RFTN1: variants seen among roughly 807,000 people sequenced by gnomAD.
The protein encoded by RFTN1 is raftlin, lipid raft linker 1, also known as raftlin.
RFTN1 carries 26 observed loss-of-function variants against 46.5 expected under a neutral mutation model. The observed-to-expected ratio is 0.56, with a 90% CI of 0.41 to 0.78. The LOEUF (loss-of-function observed/expected upper bound fraction) is 0.78. RFTN1 is among the 30% of genes least tolerant of loss of function. The pLI, the probability that RFTN1 is intolerant of heterozygous loss-of-function variation, is 0.00. For missense variants in RFTN1, 693 were observed against 718.7 expected (o/e 0.96, Z 0.41); for synonymous variants, 261 against 284.2 (o/e 0.92, Z 0.82).
intron 4 of RFTN1, among the ~76,000 whole-genome samples, chr3:16,408,917 T>C (rs899167980): frequency 2.0e-5 from 3 of 152,196 alleles, no homozygotes; most frequent in Non-Finnish European, 4.4e-5. Context: ...TCATATGGCA[T>C]GAAGAAATAT....
Position 16,410,519 on chromosome 3 carries a change from A to G in RFTN1, c.333-1036T>C, listed in dbSNP as rs777666728. ...TCCTATATCACTTAGAAAATTAAAA[A>G]TTAATTTTTAAAAGACTTTAAAAGG... On this transcript the variant is annotated intron_variant, in intron 3 of 9. Coordinates refer to ENST00000334133, the MANE Select transcript of RFTN1 (RefSeq NM_015150.2). The surrounding 1 kb of genome is among the most constrained non-coding windows in gnomAD (Gnocchi z 4.6). Among the ~76,000 whole-genome samples, 5 of 152,238 alleles carry G rather than the reference A, an allele frequency of 3.3e-5. No individual in the cohort carries two copies. The highest frequency in any genetic ancestry group is 7.2e-5 in the African/African-American group (3 of 41,454).
At position 16,322,705 on chromosome 3, in the gene RFTN1, T is replaced by C. The variant is rs928336926; in HGVS notation, c.1332+671A>G. ...ACACTTGCACCTCGTACAGCCCTTGTGCTCAACCTTCAGGAATCACAGAGA... is the reference window on the plus strand; with the variant it reads ...ACACTTGCACCTCGTACAGCCCTTGCGCTCAACCTTCAGGAATCACAGAGA... On this transcript the variant is annotated intron_variant, in intron 9 of 9. Transcript: ENST00000334133. This position sits in a 1 kb window ranked among gnomAD's most constrained non-coding sequence, Gnocchi z 6.2. Among the ~76,000 whole-genome samples the C allele has an allele frequency of 6.6e-6, 1 of 152,184 alleles. No individual in the cohort carries two copies. Among genetic ancestry groups the C allele is most frequent in the Non-Finnish European group, 1.5e-5 (1 of 68,020 alleles).
In RFTN1 at chr3:16,400,542, C is replaced by T. The variant is rs2074575021; in HGVS notation, c.441+8833G>A. Among the ~76,000 whole-genome samples the T allele has an allele frequency of 6.6e-6, 1 of 152,222 alleles. No individual in the cohort carries two copies. Among genetic ancestry groups the T allele is most frequent in the Non-Finnish European group, 1.5e-5 (1 of 68,050 alleles). ...CTAGACCGGCTTACTAAAGTATTCCCAAACACTACCAGCAAAGATCTGTTC... is the reference window on the plus strand; with the variant it reads ...CTAGACCGGCTTACTAAAGTATTCCTAAACACTACCAGCAAAGATCTGTTC... On this transcript the variant is annotated intron_variant, in intron 4 of 9. Coordinates refer to ENST00000334133, the MANE Select transcript of RFTN1 (RefSeq NM_015150.2). The surrounding 1 kb of genome is among the most constrained non-coding windows in gnomAD (Gnocchi z 4.5).
At position 16,329,979 on chromosome 3, in the gene RFTN1, C is replaced by T. The variant is rs188569736; in HGVS notation, c.1147-3103G>A. Reference sequence around the variant, plus strand: ...CCGCCTGCTTAGACAGACTGCAAACCGGCTGCTTCTATTTTGCTCCGTTTT... The same window carrying T: ...CCGCCTGCTTAGACAGACTGCAAACTGGCTGCTTCTATTTTGCTCCGTTTT... On this transcript the variant is annotated intron_variant, in intron 7 of 9. Transcript: ENST00000334133. The surrounding 1 kb of genome is among the most constrained non-coding windows in gnomAD (Gnocchi z 4.5). 5.9e-5 allele frequency among the ~76,000 whole-genome samples: 9 copies of T among 152,278 alleles called. No individual in the cohort carries two copies. Among genetic ancestry groups the T allele is most frequent in the Admixed American group, 2.6e-4 (4 of 15,288 alleles).
rs552713777 is a variant in RFTN1 at position 16,381,943 on chromosome 3, G to A, written c.442-3841C>T. Among the ~76,000 whole-genome samples, 40 of 152,200 alleles carry A rather than the reference G, an allele frequency of 2.6e-4. No individual in the cohort carries two copies. The highest frequency in any genetic ancestry group is 8.5e-4 in the Admixed American group (13 of 15,288). On this transcript the variant is annotated intron_variant, in intron 4 of 9. Transcript: ENST00000334133. The surrounding 1 kb of genome is among the most constrained non-coding windows in gnomAD (Gnocchi z 4.2). ...GAGCAGAGGAGAGTGGGAGTCTGAGGGAAAACTGCAAGATTTCTTCGAATG... is the reference window on the plus strand; with the variant it reads ...GAGCAGAGGAGAGTGGGAGTCTGAGAGAAAACTGCAAGATTTCTTCGAATG...
At position 16,374,232 on chromosome 3, in the gene RFTN1, C is replaced by G. The variant is rs966398675; in HGVS notation, c.826+3486G>C. Among the ~76,000 whole-genome samples, 4 of 152,216 alleles carry G rather than the reference C, an allele frequency of 2.6e-5. No individual in the cohort carries two copies. The highest frequency in any genetic ancestry group is 9.6e-5 in the African/African-American group (4 of 41,454). ...AATCACAAGCCAGTAAGTGGCACAG[C>G]CAAGAGTCTTTCAAACCCCAAACCC... On this transcript the variant is annotated intron_variant, in intron 5 of 9. Transcript: ENST00000334133. The surrounding 1 kb of genome is among the most constrained non-coding windows in gnomAD (Gnocchi z 5.4).
At position 16,429,644 on chromosome 3, in the gene RFTN1, C is replaced by A. The variant is rs1213609057; in HGVS notation, c.332+4207G>T. 6.6e-6 allele frequency among the ~76,000 whole-genome samples: 1 copy of A among 152,160 alleles called. No individual in the cohort carries two copies. The highest frequency in any genetic ancestry group is 1.5e-5 in the Non-Finnish European group (1 of 68,022). ...ACTTCCCACCACATAGAGCTCCTAGCACAATACTCTGAAAAGAGTACTCAC... is the reference window on the plus strand; with the variant it reads ...ACTTCCCACCACATAGAGCTCCTAGAACAATACTCTGAAAAGAGTACTCAC... On this transcript the variant is annotated intron_variant, in intron 3 of 9. Coordinates refer to ENST00000334133, the MANE Select transcript of RFTN1 (RefSeq NM_015150.2). This position sits in a 1 kb window ranked among gnomAD's most constrained non-coding sequence, Gnocchi z 6.4.
chr3:16,457,502 G>A lies in RFTN1; in HGVS notation c.146-23465C>T, dbSNP rs1264608500. Among the ~76,000 whole-genome samples the A allele has an allele frequency of 6.6e-6, 1 of 152,108 alleles. No individual in the cohort carries two copies. The highest frequency in any genetic ancestry group is 6.5e-5 in the Admixed American group (1 of 15,272). The stretch of plus-strand genomic sequence containing the variant: ...TATACCTTCTTTTACGATATACAAG[G>A]CATCCCAAAAGTCTCAATACAGTTT... On this transcript the variant is annotated intron_variant, in intron 2 of 9. Transcript: ENST00000334133. The surrounding 1 kb of genome is among the most constrained non-coding windows in gnomAD (Gnocchi z 4.2).
rs564883769 is a variant in RFTN1, at chr3:16,479,351, A to G, written c.145+14374T>C. Among the ~76,000 whole-genome samples the G allele has an allele frequency of 1.6e-4, 25 of 152,360 alleles. No homozygotes were observed. The highest frequency in any genetic ancestry group is 1.4e-3 in the Admixed American group (21 of 15,314). On this transcript the variant is annotated intron_variant, in intron 2 of 9. Transcript: ENST00000334133. The surrounding 1 kb of genome is among the most constrained non-coding windows in gnomAD (Gnocchi z 5.1). The stretch of plus-strand genomic sequence containing the variant: ...GCTAATTCATTAAATGAAGTCCACA[A>G]TAAGAAACTACTTATAGACATGAGA...
chr3:16,389,387 A>T (rs2074293205), intron 4 of RFTN1, among the ~76,000 whole-genome samples: 1 of 152,218 alleles, frequency 6.6e-6, no homozygotes, highest in South Asian at 2.1e-4. Context: ...AATACCCTGG[A>T]GAACACTGGG....
At chr3:16,485,096 C>T (rs556429019) in intron 2 of RFTN1, among the ~76,000 whole-genome samples, 1 of 152,208 alleles carries the variant, frequency 6.6e-6, no homozygotes, top group East Asian at 1.9e-4. Context: ...AGCATAAACC[C>T]AACAATTCCA....
At chr3:16,436,207 GC>G (rs1278865981) in intron 2 of RFTN1, among the ~76,000 whole-genome samples, 2 of 151,470 alleles carry the variant, frequency 1.3e-5, no homozygotes, top group Admixed American at 6.6e-5. Flanking sequence ...CATTATCTTT[GC>G]CTCGTGTCCT....
chr3:16,446,112 C>T lies in RFTN1; in HGVS notation c.146-12075G>A, dbSNP rs933674873. On this transcript the variant is annotated intron_variant, in intron 2 of 9. Coordinates refer to ENST00000334133, the MANE Select transcript of RFTN1 (RefSeq NM_015150.2). This position sits in a 1 kb window ranked among gnomAD's most constrained non-coding sequence, Gnocchi z 4.5. ...ATCAGGACTGCAGTAGCACTCTCTCCGTCAAAGAAAGTCCAATGCAAACTG... is the reference window on the plus strand; with the variant it reads ...ATCAGGACTGCAGTAGCACTCTCTCTGTCAAAGAAAGTCCAATGCAAACTG... 2.6e-5 allele frequency among the ~76,000 whole-genome samples: 4 copies of T among 152,012 alleles called. No homozygotes were observed. The highest frequency in any genetic ancestry group is 6.6e-5 in the Admixed American group (1 of 15,260).
rs918370264 is a variant in RFTN1 at position 16,481,611 on chromosome 3, C to G, written c.145+12114G>C. 2.6e-5 allele frequency among the ~76,000 whole-genome samples: 4 copies of G among 152,010 alleles called. No individual in the cohort carries two copies. Among genetic ancestry groups the G allele is most frequent in the African/African-American group, 9.7e-5 (4 of 41,380 alleles). ...CATCCAACAATTGCTTTTGCCTAAA[C>G]TGAAATTAAATAAATAGACACACAC... On this transcript the variant is annotated intron_variant, in intron 2 of 9. Coordinates refer to ENST00000334133, the MANE Select transcript of RFTN1 (RefSeq NM_015150.2). The surrounding 1 kb of genome is among the most constrained non-coding windows in gnomAD (Gnocchi z 5.1).
Position 16,509,006 on chromosome 3 carries a change from T to C in RFTN1, c.-9+4436A>G, listed in dbSNP as rs2076855829. 6.6e-6 allele frequency among the ~76,000 whole-genome samples: 1 copy of C among 152,270 alleles called. No homozygotes were observed. The highest frequency in any genetic ancestry group is 2.1e-4 in the South Asian group (1 of 4,836). ...TTAAATTTTCTTTTCTTTTAATTCA[T>C]TACATTTAAATGTAAATAGCCACAT... On this transcript the variant is annotated intron_variant, in intron 1 of 9. Transcript: ENST00000334133. The surrounding 1 kb of genome is among the most constrained non-coding windows in gnomAD (Gnocchi z 4.9).
rs1258130391 is a variant in RFTN1, at chr3:16,329,243, C to G, written c.1147-2367G>C. ...CCCTCGACCTTGGACTTCCCAGCCT[C>G]CAGGACCAGGAGCCAAGAACTGTCT... On this transcript the variant is annotated intron_variant, in intron 7 of 9. Coordinates refer to ENST00000334133, the MANE Select transcript of RFTN1 (RefSeq NM_015150.2). This position sits in a 1 kb window ranked among gnomAD's most constrained non-coding sequence, Gnocchi z 4.5. 6.6e-6 allele frequency among the ~76,000 whole-genome samples: 1 copy of G among 152,190 alleles called. No individual in the cohort carries two copies. Among genetic ancestry groups the G allele is most frequent in the Non-Finnish European group, 1.5e-5 (1 of 68,038 alleles).
rs575222310 is a variant in RFTN1, at chr3:16,329,246, G to T, written c.1147-2370C>A. Among the ~76,000 whole-genome samples the T allele has an allele frequency of 6.6e-6, 1 of 152,338 alleles. No homozygotes were observed. The highest frequency in any genetic ancestry group is 2.4e-5 in the African/African-American group (1 of 41,578). ...TCGACCTTGGACTTCCCAGCCTCCAGGACCAGGAGCCAAGAACTGTCTGTC... is the reference window on the plus strand; with the variant it reads ...TCGACCTTGGACTTCCCAGCCTCCATGACCAGGAGCCAAGAACTGTCTGTC... On this transcript the variant is annotated intron_variant, in intron 7 of 9. Transcript: ENST00000334133. This position sits in a 1 kb window ranked among gnomAD's most constrained non-coding sequence, Gnocchi z 4.5.
rs537188962 is a variant in RFTN1 at position 16,361,986 on chromosome 3, T to C, written c.1031-3939A>G. ...GTAAATTGTTACCATTGTAAGCCAA[T>C]GAGTTCTGAAGTGGTTTGTTACACA... On this transcript the variant is annotated intron_variant, in intron 6 of 9. Transcript: ENST00000334133. The surrounding 1 kb of genome is among the most constrained non-coding windows in gnomAD (Gnocchi z 4.3). Among the ~76,000 whole-genome samples the C allele has an allele frequency of 6.6e-6, 1 of 152,324 alleles. No homozygotes were observed. Among genetic ancestry groups the C allele is most frequent in the East Asian group, 1.9e-4 (1 of 5,192 alleles).
At position 16,407,957 on chromosome 3, in the gene RFTN1, A is replaced by G. The variant is rs1409344985; in HGVS notation, c.441+1418T>C. ...CTACTCCCAGAGTCCCTGGAGCCTG[A>G]ACACTCAATACATGTTGAAGGGAGG... On this transcript the variant is annotated intron_variant, in intron 4 of 9. Coordinates refer to ENST00000334133, the MANE Select transcript of RFTN1 (RefSeq NM_015150.2). The surrounding 1 kb of genome is among the most constrained non-coding windows in gnomAD (Gnocchi z 4.0). 1.3e-5 allele frequency among the ~76,000 whole-genome samples: 2 copies of G among 152,286 alleles called. No individual in the cohort carries two copies. Among genetic ancestry groups the G allele is most frequent in the African/African-American group, 4.8e-5 (2 of 41,550 alleles).
Sources: allele counts gnomAD v4.1 joint callset (sites outside exome capture counted in the v4.1 genomes callset), GRCh38; gene constraint gnomAD v4.1.1; non-coding constraint Gnocchi (gnomAD v3.1); transcripts MANE v1.5; gene names NCBI Gene and HGNC (gene_info 2026-07-23, HGNC 2026-07-21).